The following DCC variants were observed in gnomAD, a reference collection of about 807,000 sequenced individuals.
DCC encodes netrin receptor DCC.
DCC carries 58 observed loss-of-function variants against 172.5 expected under a neutral mutation model. The ratio of observed to expected loss-of-function variants is 0.34; its 90% CI spans 0.27 to 0.42. DCC has a LOEUF of 0.42. DCC is among the 10% of genes least tolerant of loss of function. The pLI, the probability that DCC is intolerant of heterozygous loss-of-function variation, is 1.00. For missense variants in DCC, 1,740 were observed against 1,791.0 expected (o/e 0.97, Z 0.51); for synonymous variants, 709 against 644.5 (o/e 1.10, Z -1.52).
intron 2 of DCC, among the ~76,000 whole-genome samples, chr18:52,753,463 AT>A (rs2037031201): frequency 6.6e-6 from 1 of 152,176 alleles, no homozygotes. Context: ...ATATTAGAAA[AT>A]ATAATTTGCT....
chr18:52,789,939 A>T (rs1286337169), intron 2 of DCC, among the ~76,000 whole-genome samples: 1 of 152,180 alleles, frequency 6.6e-6, no homozygotes, highest in Non-Finnish European at 1.5e-5. Context: ...CTCAGGAGTC[A>T]CGCAGCTGAA....
At chr18:53,312,849 T>C (rs1240609899) in intron 13 of DCC, among the ~76,000 whole-genome samples, 1 of 136,218 alleles carries the variant, frequency 7.3e-6, no homozygotes, top group East Asian at 2.2e-4. Flanking sequence ...GACTGCCTTC[T>C]CTTTACTCCA....
chr18:52,837,804 A>G (rs1456311084), intron 2 of DCC, among the ~76,000 whole-genome samples: 4 of 152,194 alleles, frequency 2.6e-5, no homozygotes, highest in South Asian at 2.1e-4. Flanking sequence ...TCATGCTTCT[A>G]TAAAGATCTG....
At chr18:53,266,564 A>G (rs1416643993) in intron 12 of DCC, among the ~76,000 whole-genome samples, 1 of 152,104 alleles carries the variant, frequency 6.6e-6, no homozygotes, top group African/African-American at 2.4e-5. Flanking sequence ...TGTAATTCAC[A>G]TGCCATAAAA....
intron 21 of DCC, among the ~76,000 whole-genome samples, chr18:53,427,241 A>G (rs1422212507): frequency 6.6e-6 from 1 of 152,110 alleles, no homozygotes; most frequent in African/African-American, 2.4e-5. Context: ...GATTTTAATA[A>G]AGACTAAGCT....
intron 2 of DCC, among the ~76,000 whole-genome samples, chr18:52,857,309 G>A (rs538018933): frequency 5.9e-5 from 9 of 152,300 alleles, no homozygotes; most frequent in Non-Finnish European, 1.2e-4. Context: ...GGATGGGCAA[G>A]AGTAGCATTA....
chr18:53,161,621 T>G (rs758797470), intron 8 of DCC, among the ~76,000 whole-genome samples: 18 of 152,186 alleles, frequency 1.2e-4, no homozygotes, highest in Non-Finnish European at 2.2e-4. Flanking sequence ...CACGAGCATC[T>G]AAAACTTATG....
intron 2 of DCC, among the ~76,000 whole-genome samples, chr18:52,815,787 A>G (rs562169641): frequency 1.3e-5 from 2 of 152,336 alleles, no homozygotes; most frequent in African/African-American, 2.4e-5. Context: ...TATATCTCCA[A>G]TGATATAGGA....
intron 2 of DCC, among the ~76,000 whole-genome samples, chr18:52,846,313 A>G (rs901768077): frequency 7.2e-5 from 11 of 152,254 alleles, no homozygotes; most frequent in African/African-American, 2.4e-4. Context: ...AAGCTGACGC[A>G]GGCAGATTTC....
intron 1 of DCC, among the ~76,000 whole-genome samples, chr18:52,670,833 T>TC (rs1362154106): frequency 1.3e-5 from 2 of 150,204 alleles, no homozygotes; most frequent in Non-Finnish European, 3.0e-5. Context: ...GGAGCAAAAC[T>TC]CCATCTCAAA....
At chr18:53,526,794 G>A (rs759266014) in intron 28 of DCC, 35 bp downstream of exon 28, 8 of 1,612,116 alleles carry the variant, frequency 5.0e-6, no homozygotes, top group Admixed American at 3.3e-5. Flanking sequence ...CTTCATCAAG[G>A]GACAGATTGA....
chr18:53,400,486 G>T (rs1024166459), intron 18 of DCC, among the ~76,000 whole-genome samples: 1 of 152,116 alleles, frequency 6.6e-6, no homozygotes, highest in African/African-American at 2.4e-5. Flanking sequence ...GGTAGACAAT[G>T]AAGAATTTCT....
intron 2 of DCC, among the ~76,000 whole-genome samples, chr18:52,784,756 T>A (rs2037620813): frequency 6.6e-6 from 1 of 151,934 alleles, no homozygotes; most frequent in Non-Finnish European, 1.5e-5. Flanking sequence ...TTTTTAATAG[T>A]GATATGGCTA....
At chr18:52,630,836 C>T (rs2034660847) in intron 1 of DCC, among the ~76,000 whole-genome samples, 1 of 152,192 alleles carries the variant, frequency 6.6e-6, no homozygotes, top group Non-Finnish European at 1.5e-5. Flanking sequence ...CACAGCAAGT[C>T]ATCCACACAT....
intron 14 of DCC, among the ~76,000 whole-genome samples, chr18:53,332,376 G>T (rs1244951734): frequency 6.6e-6 from 1 of 152,070 alleles, no homozygotes; most frequent in African/African-American, 2.4e-5. Context: ...ACAAAATGCA[G>T]TTAAAAATTA....
chr18:52,376,534 A>C (rs1985356891), intron 1 of DCC, among the ~76,000 whole-genome samples: 1 of 151,958 alleles, frequency 6.6e-6, no homozygotes, highest in Non-Finnish European at 1.5e-5. Context: ...CACATGCACA[A>C]GTTTTCACTT....
intron 1 of DCC, among the ~76,000 whole-genome samples, chr18:52,647,235 A>C (rs2035036180): frequency 6.6e-6 from 1 of 152,130 alleles, no homozygotes; most frequent in African/African-American, 2.4e-5. Context: ...GTCTCTTGGG[A>C]ATGTTGACTT....
intron 1 of DCC, among the ~76,000 whole-genome samples, chr18:52,569,213 G>T (rs1030920958): frequency 1.3e-5 from 2 of 152,156 alleles, no homozygotes; most frequent in African/African-American, 4.8e-5. Context: ...GGAACACAAC[G>T]CATTTCAGCC....
At chr18:53,295,828 A>G (rs1220207626) in intron 12 of DCC, among the ~76,000 whole-genome samples, 2 of 152,150 alleles carry the variant, frequency 1.3e-5, no homozygotes, top group African/African-American at 4.8e-5. Context: ...TATGTCAGAA[A>G]CCTGTCATTC....
Sources: gnomAD v4.1 joint callset for allele counts (sites outside exome capture counted in the v4.1 genomes callset) on GRCh38, gnomAD v4.1.1 for gene constraint, MANE v1.5 for transcripts, NCBI Gene and HGNC (gene_info 2026-07-23, HGNC 2026-07-21) for gene names.